ANKAR: variants seen among roughly 807,000 people sequenced by gnomAD.
ANKAR encodes ankyrin and armadillo repeat containing.
A neutral mutation model predicts 146.2 loss-of-function variants in ANKAR; 136 were observed. The observed-to-expected ratio is 0.93, with a 90% CI of 0.81 to 1.07. The LOEUF is 1.07. Among genes scored for constraint, ANKAR ranks in the 50% least tolerant of loss-of-function variants. The pLI is 0.00. For synonymous variants in ANKAR, 500 were observed against 575.8 expected, an observed-to-expected ratio of 0.87 and a Z score of 1.88; for missense variants, 1,567 against 1,679.9, an observed-to-expected ratio of 0.93 and a Z score of 1.18.
intron 6 of ANKAR, 51 bp from the exon 7 acceptor site, chr2:189,696,099 C>T (rs1468405741): frequency 1.0e-5 from 16 of 1,564,432 alleles, no homozygotes; most frequent in Non-Finnish European, 1.4e-5. Flanking sequence ...TTTCCTTAAA[C>T]CAAACTTTAG....
downstream of ANKAR, chr2:189,761,413 T>A: frequency 6.3e-7 from 1 of 1,593,490 alleles, no homozygotes; most frequent in Non-Finnish European, 8.5e-7. Flanking sequence ...AGATAATGTC[T>A]ACTTACTTTA....
At chr2:189,690,749 G>C (rs2036266666) in intron 3 of ANKAR, among the ~76,000 whole-genome samples, 1 of 152,116 alleles carries the variant, frequency 6.6e-6, no homozygotes, top group Non-Finnish European at 1.5e-5. Flanking sequence ...TGAACTATTA[G>C]AAATGGAATT....
downstream of ANKAR, among the ~76,000 whole-genome samples, chr2:189,748,427 T>G (rs1255737501): frequency 6.6e-6 from 1 of 152,210 alleles, no homozygotes; most frequent in African/African-American, 2.4e-5. Context: ...CTCTGCTATG[T>G]TGCCCAGGCT....
intron 17 of ANKAR, among the ~76,000 whole-genome samples, chr2:189,733,753 G>A (rs1022664866): frequency 2.4e-4 from 37 of 151,618 alleles, no homozygotes; most frequent in African/African-American, 6.5e-4. Context: ...TAATTTGCAC[G>A]CCTTATTTAA....
At chr2:189,755,837 T>C (rs2045989550) in intron 18 of ANKAR, among the ~76,000 whole-genome samples, 1 of 152,172 alleles carries the variant, frequency 6.6e-6, no homozygotes, top group Non-Finnish European at 1.5e-5. Flanking sequence ...TTGTAAAGCA[T>C]TCCATACAAG....
chr2:189,762,729 C>A (rs565278237), downstream of ANKAR: 2 of 985,372 alleles, frequency 2.0e-6, no homozygotes, highest in African/African-American at 3.5e-5. Context: ...CCTTTCCCTA[C>A]TAAAGACTGT....
At chr2:189,718,448 G>C (rs933981078) in intron 10 of ANKAR, among the ~76,000 whole-genome samples, 2 of 152,004 alleles carry the variant, frequency 1.3e-5, no homozygotes, top group South Asian at 2.1e-4. Context: ...CCCTAATGTG[G>C]TTATTGAACT....
chr2:189,719,969 C>T (rs1156946732), intron 11 of ANKAR, among the ~76,000 whole-genome samples, 156 bp downstream of exon 11: 1 of 152,044 alleles, frequency 6.6e-6, no homozygotes, highest in Non-Finnish European at 1.5e-5. Flanking sequence ...AAAACTCCAC[C>T]GAAAAGTTGG....
chr2:189,756,217 T>G (rs946147899), intron 18 of ANKAR, among the ~76,000 whole-genome samples: 3 of 152,102 alleles, frequency 2.0e-5, no homozygotes, highest in African/African-American at 7.2e-5. Context: ...TGAAATACAG[T>G]TTGGGAATCT....
At chr2:189,734,732 G>C (rs2042689662) in intron 17 of ANKAR, among the ~76,000 whole-genome samples, 1 of 152,096 alleles carries the variant, frequency 6.6e-6, no homozygotes. Context: ...GGGAGGTCGA[G>C]GTGGGCAGAT....
At chr2:189,681,480 A>G (rs1231122062) in intron 2 of ANKAR, among the ~76,000 whole-genome samples, 2 of 152,214 alleles carry the variant, frequency 1.3e-5, no homozygotes, top group Non-Finnish European at 2.9e-5. Context: ...TGCACCTGGT[A>G]AGGGGATCAG....
rs1299431255 is a variant in ANKAR, at chr2:189,707,167, A to C, written c.2119+21A>C. The C allele has an allele frequency of 2.3e-6, 3 of 1,332,314 alleles. No individual in the cohort carries two copies. The Admixed American group carries it at 7.9e-5, about 35-fold the overall frequency. The allele number at this position is 1,332,314 out of a possible 1,614,324, so 82.5% of individuals were successfully genotyped here. ...GGTAGGTGAGTATAATCTCTTTATAAATACATGTTCTGATTATTATTCAGT... is the reference window on the plus strand; with the variant it reads ...GGTAGGTGAGTATAATCTCTTTATACATACATGTTCTGATTATTATTCAGT... On this transcript the variant is annotated intron_variant, in intron 9 of 22. Coordinates refer to ENST00000684021, the MANE Select transcript of ANKAR (RefSeq NM_001378068.1).
At chr2:189,708,994 C>G (rs2263968) in intron 9 of ANKAR, among the ~76,000 whole-genome samples, 1,829 of 152,128 alleles carry the variant, frequency 0.012, 46 homozygotes, top group African/African-American at 0.042. Context: ...CCTAGCTCCT[C>G]GGGAGGCTGA....
chr2:189,695,144 A>C lies in ANKAR; in HGVS notation c.1471A>C (p.Arg491=). 6.2e-7 allele frequency: 1 copy of C among 1,604,902 alleles called. No homozygotes were observed. Among genetic ancestry groups the C allele is most frequent in the Non-Finnish European group, 8.5e-7 (1 of 1,177,108 alleles). The change falls in exon 6 of 23, where the codon AGA becomes CGA. Residue 491 remains arginine, a synonymous_variant. Transcript: ENST00000684021. ...ATTTAAGAAAAAGCTTGGTTTCAAA[A>C]GAGCTATGAAATGCAAGGTATTTCA... is the stretch of plus-strand genomic sequence containing the variant. The part of the protein sequence containing the change: ...EQFKKKLGFK[R]AMKCKSIPFG...
chr2:189,712,550 T>G (rs1460522339), intron 10 of ANKAR, among the ~76,000 whole-genome samples: 2 of 152,094 alleles, frequency 1.3e-5, no homozygotes, highest in African/African-American at 4.8e-5. Flanking sequence ...GAAGGAAAAC[T>G]AACAAACAGA....
downstream of ANKAR, among the ~76,000 whole-genome samples, chr2:189,751,493 G>A (rs1453833920): frequency 1.4e-5 from 2 of 143,718 alleles, no homozygotes; most frequent in Non-Finnish European, 3.0e-5. Flanking sequence ...CACCCGGGCT[G>A]GAGTGCAGTG....
At chr2:189,762,144 C>T (rs565467600), downstream of ANKAR, among the ~76,000 whole-genome samples, 2 of 152,310 alleles carry the variant, frequency 1.3e-5, no homozygotes, top group African/African-American at 4.8e-5. Context: ...AACACACACA[C>T]GCCAACTGCA....
chr2:189,752,648 C>T, intron 18 of ANKAR: 2 of 1,613,568 alleles, frequency 1.2e-6, no homozygotes, highest in African/African-American at 1.3e-5. Flanking sequence ...AATGATACCA[C>T]ATACTTTGGT....
chr2:189,717,037 C>G (rs994061832), intron 10 of ANKAR, among the ~76,000 whole-genome samples: 7 of 151,950 alleles, frequency 4.6e-5, no homozygotes, highest in Non-Finnish European at 2.9e-5. Flanking sequence ...TGGGCAAGGA[C>G]TTCATGACTA....
Sources: gnomAD v4.1 joint callset for allele counts (sites outside exome capture counted in the v4.1 genomes callset) on GRCh38, gnomAD v4.1.1 for gene constraint, MANE v1.5 for transcripts, NCBI Gene and HGNC (gene_info 2026-07-23, HGNC 2026-07-21) for gene names.